GLI3: variants seen among roughly 807,000 people sequenced by gnomAD.
GLI3 encodes transcription activator GLI3.
In GLI3, 20 loss-of-function variants were observed where a neutral mutation model predicts 100.8. The observed-to-expected ratio is 0.20, with a 90% confidence interval of 0.14 to 0.29. GLI3 has a LOEUF of 0.29. Among genes scored for constraint, GLI3 ranks in the 10% least tolerant of loss-of-function variants. GLI3 has a pLI of 1.00. For missense variants in GLI3, 2,040 were observed against 2,128.5 expected, an observed-to-expected ratio of 0.96 and a Z score of 0.82; for synonymous variants, 938 against 860.5, an observed-to-expected ratio of 1.09 and a Z score of -1.58.
At chr7:42,173,425 G>A (rs534851501) in intron 2 of GLI3, among the ~76,000 whole-genome samples, 1 of 152,152 alleles carries the variant, frequency 6.6e-6, no homozygotes, top group Non-Finnish European at 1.5e-5. Flanking sequence ...ATGAATGGAT[G>A]AATGTCCTGC....
chr7:42,031,100 C>T (rs1415706641), intron 7 of GLI3, among the ~76,000 whole-genome samples: 1 of 152,056 alleles, frequency 6.6e-6, no homozygotes, highest in African/African-American at 2.4e-5. Flanking sequence ...ACCTGTGCTT[C>T]CCATCCTCAT....
chr7:42,178,456 C>T (rs1229654798), intron 2 of GLI3, among the ~76,000 whole-genome samples: 1 of 152,192 alleles, frequency 6.6e-6, no homozygotes, highest in African/African-American at 2.4e-5. Context: ...CCACCACCTA[C>T]AGAAAAACAA....
chr7:42,036,646 G>T (rs1411553130), intron 7 of GLI3, among the ~76,000 whole-genome samples: 1 of 152,184 alleles, frequency 6.6e-6, no homozygotes, highest in Non-Finnish European at 1.5e-5. Context: ...AACATTTAAT[G>T]ACATGTTTAG....
At chr7:42,194,701 T>G (rs2128689869) in intron 2 of GLI3, among the ~76,000 whole-genome samples, 1 of 151,630 alleles carries the variant, frequency 6.6e-6, no homozygotes, top group Middle Eastern at 3.5e-3. Flanking sequence ...AGAGTCCTAC[T>G]AAGCCCTGTC....
intron 10 of GLI3, among the ~76,000 whole-genome samples, chr7:42,021,428 G>A (rs1433256556): frequency 6.6e-6 from 1 of 152,140 alleles, no homozygotes; most frequent in Non-Finnish European, 1.5e-5. Context: ...GTTTTAAGCA[G>A]CCTTCCTTTA....
chr7:42,139,430 A>G (rs2128781505), intron 3 of GLI3, among the ~76,000 whole-genome samples: 1 of 152,354 alleles, frequency 6.6e-6, no homozygotes, highest in South Asian at 2.1e-4. Context: ...CTGTAATCCC[A>G]GCACTTTGGG....
chr7:41,990,578 C>G (rs1787957771), intron 10 of GLI3, among the ~76,000 whole-genome samples: 1 of 152,052 alleles, frequency 6.6e-6, no homozygotes, highest in Admixed American at 6.5e-5. Context: ...ATTTTGATCA[C>G]TAAAATATAG....
intron 10 of GLI3, among the ~76,000 whole-genome samples, chr7:42,009,387 C>T (rs1788545792): frequency 6.6e-6 from 1 of 151,962 alleles, no homozygotes; most frequent in Non-Finnish European, 1.5e-5. Flanking sequence ...ATTGACTTGA[C>T]CCTACCCTTG....
chr7:41,978,704 C>T lies in GLI3; in HGVS notation c.1542G>A (p.Val514=). ...CTCTTGAGCAGTCCAGCCACCTGCA[C>T]ACGAACTCCTTCTTCTCTCCATGAA... is the stretch of plus-strand genomic sequence containing the variant. ...DHIHGEKKEF[V]CRWLDCSREQ... is the part of the protein sequence containing the mutation. Residue 514 remains valine (V), a synonymous_variant, in exon 11 of 15, where the codon GTG becomes GTA. Transcript: ENST00000395925. 1.9e-6 allele frequency: 3 copies of T among 1,613,894 alleles called. No individual in the cohort carries two copies. The highest frequency in any genetic ancestry group is 2.2e-5 in the South Asian group (2 of 91,084).
At chr7:42,172,115 T>C (rs921541988) in intron 2 of GLI3, among the ~76,000 whole-genome samples, 1 of 152,090 alleles carries the variant, frequency 6.6e-6, no homozygotes, top group African/African-American at 2.4e-5. Flanking sequence ...TGCTTAAACA[T>C]AGTGACATGG....
rs1203546131 is a variant in GLI3, at chr7:41,977,736, G to A, written c.1648-14C>T. 2 of 1,612,764 alleles carry A rather than the reference G, an allele frequency of 1.2e-6. No homozygotes were observed. Among genetic ancestry groups the A allele is most frequent in the African/African-American group, 1.3e-5 (1 of 74,882 alleles). The stretch of plus-strand genomic sequence containing the variant: ...GCAACCTTCAAACTGAGGACAACAG[G>A]TAAATCTGGATTACTCTGCACAATG... On this transcript the variant is annotated splice_polypyrimidine_tract_variant and intron_variant, in intron 11 of 14. Transcript: ENST00000395925.
At chr7:42,023,129 C>T (rs1373007369) in intron 10 of GLI3, among the ~76,000 whole-genome samples, 1 of 152,210 alleles carries the variant, frequency 6.6e-6, no homozygotes, top group Non-Finnish European at 1.5e-5. Flanking sequence ...GAAGGGGAAT[C>T]AAACTTGTTT....
At chr7:42,000,919 G>A (rs1180044888) in intron 10 of GLI3, among the ~76,000 whole-genome samples, 3 of 151,984 alleles carry the variant, frequency 2.0e-5, no homozygotes, top group African/African-American at 7.3e-5. Context: ...TAAGACCTAG[G>A]TATATTTGGC....
At chr7:42,171,491 G>A (rs1345465558) in intron 2 of GLI3, among the ~76,000 whole-genome samples, 1 of 152,158 alleles carries the variant, frequency 6.6e-6, no homozygotes, top group African/African-American at 2.4e-5. Context: ...ATCCACACAT[G>A]AATAGTGAAA....
At chr7:42,160,682 T>A in intron 2 of GLI3, among the ~76,000 whole-genome samples, 1 of 152,156 alleles carries the variant, frequency 6.6e-6, no homozygotes, top group Admixed American at 6.6e-5. Flanking sequence ...ACAGAATTTC[T>A]TTGGGCTGCT....
At chr7:42,237,620 C>G (rs972398172), upstream of GLI3, among the ~76,000 whole-genome samples, 2 of 151,644 alleles carry the variant, frequency 1.3e-5, no homozygotes, top group Admixed American at 6.6e-5. Context: ...CAGATGTTGC[C>G]GGACTCTCCT....
chr7:42,236,626 G>T (rs539250822), intron 1 of GLI3, among the ~76,000 whole-genome samples: 1 of 152,212 alleles, frequency 6.6e-6, no homozygotes, highest in East Asian at 1.9e-4. Context: ...GCGCGTGCGG[G>T]GCTCGCGGAG....
At chr7:42,158,778 A>C (rs1787063912) in intron 2 of GLI3, among the ~76,000 whole-genome samples, 1 of 152,150 alleles carries the variant, frequency 6.6e-6, no homozygotes, top group African/African-American at 2.4e-5. Context: ...GCGTGATGTG[A>C]GCCACCGCGC....
Position 42,066,197 on chromosome 7 carries a change from G to A in GLI3, c.473+10555C>T, listed in dbSNP as rs187396099. On this transcript the variant is annotated intron_variant, in intron 4 of 14. Transcript: ENST00000395925. ...AGAAGGGCCAATAGGCTTTTCTAAA[G>A]CTTGAGTACACTGAGACTTCAGTGG... 1.1e-4 allele frequency among the ~76,000 whole-genome samples: 17 copies of A among 152,290 alleles called. No individual in the cohort carries two copies. In the East Asian group the frequency reaches 2.9e-3, roughly 26 times the overall value.
Sources: gnomAD v4.1 joint callset for allele counts (sites outside exome capture counted in the v4.1 genomes callset) on GRCh38, gnomAD v4.1.1 for gene constraint, MANE v1.5 for transcripts, NCBI Gene and HGNC (gene_info 2026-07-23, HGNC 2026-07-21) for gene names.